The following DPP10 variants were observed in gnomAD, a reference collection of about 807,000 sequenced individuals.
DPP10 encodes inactive dipeptidyl peptidase 10.
Under a neutral mutation model 120.9 loss-of-function variants are expected in DPP10, and 33 were observed. The ratio of observed to expected loss-of-function variants is 0.27; its 90% CI spans 0.21 to 0.37. DPP10 has a LOEUF of 0.37. DPP10 is among the 10% of genes least tolerant of loss of function. The pLI is 1.00. For synonymous variants in DPP10, 337 were observed against 326.1 expected (o/e 1.03, Z -0.36); for missense variants, 816 against 942.8 (o/e 0.87, Z 1.76).
intron 1 of DPP10, among the ~76,000 whole-genome samples, chr2:115,212,319 ATG>A (rs2056568551): frequency 2.0e-5 from 3 of 152,178 alleles, no homozygotes; most frequent in Admixed American, 6.6e-5. Flanking sequence ...AGCCTGCTTT[ATG>A]GAAAGAATCA....
chr2:115,324,279 A>G (rs1031693808), intron 2 of DPP10, among the ~76,000 whole-genome samples: 2 of 152,154 alleles, frequency 1.3e-5, no homozygotes, highest in Admixed American at 6.5e-5. Context: ...CCGTCTCAAA[A>G]AAAGGAAAGT....
At chr2:114,645,129 T>C (rs908321028) in intron 1 of DPP10, among the ~76,000 whole-genome samples, 11 of 152,206 alleles carry the variant, frequency 7.2e-5, no homozygotes, top group African/African-American at 2.7e-4. Context: ...TTGCTTTGTC[T>C]GACAGATGTA....
intron 5 of DPP10, among the ~76,000 whole-genome samples, chr2:115,589,877 G>C (rs1449986287): frequency 2.0e-5 from 3 of 152,050 alleles, no homozygotes; most frequent in Non-Finnish European, 4.4e-5. Flanking sequence ...TCATCTAACA[G>C]ACAGTCATGC....
chr2:114,539,682 T>C (rs1175440478), intron 1 of DPP10, among the ~76,000 whole-genome samples: 4 of 152,210 alleles, frequency 2.6e-5, no homozygotes, highest in Admixed American at 2.0e-4. Context: ...TTCTCCATTA[T>C]AGATTCAGCA....
intron 5 of DPP10, among the ~76,000 whole-genome samples, chr2:115,647,127 G>A (rs1439747313): frequency 6.6e-6 from 1 of 152,128 alleles, no homozygotes; most frequent in Non-Finnish European, 1.5e-5. Context: ...ACAGAAAGAA[G>A]GAAGATGGAA....
chr2:114,971,952 A>G (rs1699427521), intron 1 of DPP10, among the ~76,000 whole-genome samples: 1 of 152,204 alleles, frequency 6.6e-6, no homozygotes. Context: ...ACGAAAATCA[A>G]GCCTGAAAAC....
intron 1 of DPP10, among the ~76,000 whole-genome samples, chr2:115,170,836 C>T (rs1485613629): frequency 2.0e-5 from 3 of 152,126 alleles, no homozygotes; most frequent in African/African-American, 7.2e-5. Flanking sequence ...TATAATTGCT[C>T]CAAAATGAGA....
Position 115,827,402 on chromosome 2 carries a change from GTA to G in DPP10, c.1951-8753_1951-8752del, listed in dbSNP as rs1217426303. Among the ~76,000 whole-genome samples the G allele has an allele frequency of 4.1e-3, 242 of 59,128 alleles. 1 individual carries two copies. The highest frequency in any genetic ancestry group is 9.4e-3 in the African/African-American group (212 of 22,560). The allele number at this position is 59,128 out of a possible 152,430, so 38.8% of individuals were successfully genotyped here. A position where few individuals can be genotyped will look rare whatever the true frequency, so the allele number is the denominator to read the frequency against. On this transcript the variant is annotated intron_variant, in intron 21 of 25. Coordinates refer to ENST00000410059, the MANE Select transcript of DPP10 (RefSeq NM_020868.6). ...GAGGAGGGCAACTGTGTGTGTGTGT[GTA>G]TGTGTGTGTGTATATATATATATAT...
chr2:115,362,145 A>C (rs566660619), intron 3 of DPP10, among the ~76,000 whole-genome samples: 1 of 152,334 alleles, frequency 6.6e-6, no homozygotes, highest in African/African-American at 2.4e-5. Flanking sequence ...TTGGATAACT[A>C]TCACTGGTTT....
At chr2:114,683,547 CCTCT>C (rs991767915) in intron 1 of DPP10, among the ~76,000 whole-genome samples, 1 of 147,722 alleles carries the variant, frequency 6.8e-6, no homozygotes, top group Non-Finnish European at 1.5e-5. Flanking sequence ...TTCCTTCCTC[CCTCT>C]CTCTCTCCCT....
intron 1 of DPP10, among the ~76,000 whole-genome samples, chr2:114,644,217 C>T (rs1047331615): frequency 2.0e-5 from 3 of 150,826 alleles, no homozygotes; most frequent in African/African-American, 7.4e-5. Flanking sequence ...GCTGGGATTA[C>T]AGGTGTGAGC....
At chr2:114,800,938 T>TA (rs55970532) in intron 1 of DPP10, among the ~76,000 whole-genome samples, 76 of 148,708 alleles carry the variant, frequency 5.1e-4, no homozygotes, top group Non-Finnish European at 8.1e-4. Flanking sequence ...AAATGGGAAT[T>TA]AAAAAAAAAA....
chr2:115,639,218 A>G (rs2086586372), intron 5 of DPP10, among the ~76,000 whole-genome samples: 1 of 152,238 alleles, frequency 6.6e-6, no homozygotes, highest in Non-Finnish European at 1.5e-5. Flanking sequence ...TTCTGAAAGT[A>G]GTAGCTTCTG....
chr2:115,005,963 G>A (rs1701807942), intron 1 of DPP10, among the ~76,000 whole-genome samples: 1 of 152,174 alleles, frequency 6.6e-6, no homozygotes, highest in South Asian at 2.1e-4. Flanking sequence ...AGGGCAGCCA[G>A]AGAGAAAGGT....
At chr2:114,955,724 C>T (rs542418381) in intron 1 of DPP10, among the ~76,000 whole-genome samples, 1 of 152,216 alleles carries the variant, frequency 6.6e-6, no homozygotes, top group African/African-American at 2.4e-5. Flanking sequence ...AGTTTAACAG[C>T]ACATTGAAGC....
At chr2:115,629,143 A>T (rs1342631588) in intron 5 of DPP10, among the ~76,000 whole-genome samples, 1 of 151,956 alleles carries the variant, frequency 6.6e-6, no homozygotes, top group Non-Finnish European at 1.5e-5. Context: ...GAGGACACGA[A>T]CTCATCCTTT....
intron 3 of DPP10, among the ~76,000 whole-genome samples, chr2:115,375,013 C>G (rs1254128929): frequency 6.6e-6 from 1 of 152,222 alleles, no homozygotes; most frequent in Non-Finnish European, 1.5e-5. Flanking sequence ...CATTTGGCTT[C>G]TCTTCACTTA....
At chr2:115,591,730 A>G (rs536967705) in intron 5 of DPP10, among the ~76,000 whole-genome samples, 206 of 152,282 alleles carry the variant, frequency 1.4e-3, no homozygotes, top group Non-Finnish European at 2.6e-3. Context: ...CATTGAATCT[A>G]TAAATTATCT....
rs552954496 is a variant in DPP10 at position 114,558,805 on chromosome 2, T to C, written c.60+115967T>C. Among the ~76,000 whole-genome samples the C allele has an allele frequency of 5.3e-4, 81 of 152,366 alleles. 2 individuals carry two copies. In the South Asian group the frequency reaches 0.017, roughly 31 times the overall value. ...ATTCTCCTCCCATGCTATAAGCATC[T>C]GGGGGCTCTTTTCCACCTCTTCCCT... On this transcript the variant is annotated intron_variant, in intron 1 of 25. Coordinates refer to ENST00000410059, the MANE Select transcript of DPP10 (RefSeq NM_020868.6).
Sources: gnomAD v4.1 joint callset for allele counts (sites outside exome capture counted in the v4.1 genomes callset) on GRCh38, gnomAD v4.1.1 for gene constraint, MANE v1.5 for transcripts, NCBI Gene and HGNC (gene_info 2026-07-23, HGNC 2026-07-21) for gene names.